Variants in SEC23B observed in about 807,000 individuals in gnomAD.
The protein encoded by SEC23B is protein transport protein Sec23B.
Under a neutral mutation model 104.3 loss-of-function variants are expected in SEC23B, and 77 were observed. The observed-to-expected ratio is 0.74, with a 90% confidence interval of 0.61 to 0.89. The LOEUF (loss-of-function observed/expected upper bound fraction) is 0.89. Ranked by LOEUF, SEC23B falls within the 40% of genes least tolerant of loss-of-function variation. The probability of loss-of-function intolerance (pLI) is 0.00; values close to 1 mark genes in which losing one functional copy is unlikely to be tolerated. For missense variants in SEC23B, 885 were observed against 949.4 expected, an observed-to-expected ratio of 0.93 and a Z score of 0.89; for synonymous variants, 338 against 332.5, an observed-to-expected ratio of 1.02 and a Z score of -0.18.
chr20:18,507,868 A>G (rs1427296348), upstream of SEC23B: 1 of 152,316 alleles, frequency 6.6e-6, no homozygotes, highest in African/African-American at 2.4e-5. Flanking sequence ...GCGCCGTGGC[A>G]TGACGCGCTG....
At chr20:18,541,691 C>A (rs896115747) in intron 12 of SEC23B, among the ~76,000 whole-genome samples, 3 of 152,136 alleles carry the variant, frequency 2.0e-5, no homozygotes, top group Non-Finnish European at 4.4e-5. Flanking sequence ...GTTTGTAGCA[C>A]CCCAAAACAA....
chr20:18,526,503 A>G lies in SEC23B; in HGVS notation c.965A>G (p.Asn322Ser), dbSNP rs1223609956. The change falls in exon 8 of 20, where the codon AAT becomes AGT. Residue 322 changes from asparagine to serine, a missense_variant. By Grantham distance (46) the Asn-to-Ser change is conservative (BLOSUM62 1). Coordinates refer to ENST00000650089, the MANE Select transcript of SEC23B (RefSeq NM_006363.6). The stretch of plus-strand genomic sequence containing the variant: ...TCTTGGCATGATATTGAGAAAGATA[A>G]TGCACGATTCATGAAAAAGGCAACC... ...IRSWHDIEKDNARFMKKATKH... is the reference protein window; with the variant it reads ...IRSWHDIEKDSARFMKKATKH... 6.2e-7 allele frequency: 1 copy of G among 1,614,188 alleles called. No individual in the cohort carries two copies. The highest frequency in any genetic ancestry group is 1.7e-5 in the Admixed American group (1 of 60,024).
At chr20:18,548,005 G>A (rs779471005) in intron 15 of SEC23B, among the ~76,000 whole-genome samples, 1 of 152,150 alleles carries the variant, frequency 6.6e-6, no homozygotes, top group East Asian at 1.9e-4. Flanking sequence ...AGGCTGGAGT[G>A]CAATGGCCTG....
At chr20:18,554,195 C>T (rs1179598012) in intron 17 of SEC23B, 40 bp from the exon 18 acceptor site, 11 of 1,612,284 alleles carry the variant, frequency 6.8e-6, no homozygotes, top group Non-Finnish European at 9.3e-6. Flanking sequence ...GCTGTTATTA[C>T]AGTTTCCACA....
Position 18,545,975 on chromosome 20 carries a change from A to G in SEC23B, c.1685A>G (p.Tyr562Cys), listed in dbSNP as rs781083146. ...LIRLCQKFGQ[Y>C]NKEDPTSFRL... ...CCATAGTGTCAAAAGTTTGGACAGT[A>G]TAACAAAGAAGACCCCACTTCTTTT... The change falls in exon 15 of 20, where the codon TAT (tyrosine) becomes TGT (cysteine). Residue 562 changes from tyrosine to cysteine, a missense_variant. Coordinates refer to ENST00000650089, the MANE Select transcript of SEC23B (RefSeq NM_006363.6). The G allele has an allele frequency of 1.9e-6, 3 of 1,585,948 alleles. No individual in the cohort carries two copies. Among genetic ancestry groups the G allele is most frequent in the Non-Finnish European group, 2.6e-6 (3 of 1,154,314 alleles).
intron 3 of SEC23B, among the ~76,000 whole-genome samples, chr20:18,514,074 G>A (rs1405273567): frequency 6.6e-6 from 1 of 152,174 alleles, no homozygotes; most frequent in East Asian, 1.9e-4. Context: ...TAAGTATTTG[G>A]TATTATTATG....
chr20:18,550,863 T>C (rs1358941241), intron 16 of SEC23B, among the ~76,000 whole-genome samples: 6 of 152,058 alleles, frequency 3.9e-5, no homozygotes, highest in Non-Finnish European at 7.4e-5. Context: ...CCGTTCTCAA[T>C]TGATGAGGAA....
chr20:18,536,759 G>C (rs1243559976), intron 12 of SEC23B, among the ~76,000 whole-genome samples: 2 of 151,726 alleles, frequency 1.3e-5, no homozygotes, highest in Non-Finnish European at 1.5e-5. Context: ...GTCCACTGTT[G>C]ACTGGGAACC....
At position 18,524,653 on chromosome 20, in the gene SEC23B, C is replaced by G; in HGVS notation, c.587C>G (p.Thr196Ser). The change falls in exon 5 of 20, where the codon ACT becomes AGT. Residue 196 changes from threonine to serine, a missense_variant. Transcript: ENST00000650089. ...SYVFRGTKDL[T>S]AKQIQDMLGL... ...GTCTTCCGAGGGACCAAGGATTTAA[C>G]TGCAAAGCAAATACAGGTTTGTACC... The G allele has an allele frequency of 1.9e-6, 3 of 1,613,698 alleles. No homozygotes were observed. The highest frequency in any genetic ancestry group is 2.5e-6 in the Non-Finnish European group (3 of 1,179,668).
intron 17 of SEC23B, among the ~76,000 whole-genome samples, chr20:18,552,460 T>G (rs1365411667): frequency 6.6e-6 from 1 of 152,090 alleles, no homozygotes; most frequent in African/African-American, 2.4e-5. Flanking sequence ...CCTCTGCAGA[T>G]TCAATCAACT....
intron 15 of SEC23B, among the ~76,000 whole-genome samples, chr20:18,546,867 T>C (rs1258853497): frequency 6.6e-6 from 1 of 150,570 alleles, no homozygotes; most frequent in Non-Finnish European, 1.5e-5. Context: ...TTCCCACCTC[T>C]AGCAGTGGGG....
chr20:18,555,133 A>AC lies in SEC23B; in HGVS notation c.2177dup (p.Ser727IlefsTer6), dbSNP rs1278294974. ...GCTCGATTCCTTTTGTCCAAAGTGA[A>AC]CCCATCTCAGACACACAATAACCTG... On this transcript the variant is annotated frameshift_variant, in exon 19 of 20. Coordinates refer to ENST00000650089, the MANE Select transcript of SEC23B (RefSeq NM_006363.6). LOFTEE classifies it high-confidence loss of function. 6.2e-7 allele frequency: 1 copy of AC among 1,613,798 alleles called. No individual in the cohort carries two copies. The highest frequency in any genetic ancestry group is 8.5e-7 in the Non-Finnish European group (1 of 1,179,894).
At chr20:18,510,141 A>G (rs1422780307) in intron 1 of SEC23B, among the ~76,000 whole-genome samples, 4 of 152,208 alleles carry the variant, frequency 2.6e-5, no homozygotes, top group African/African-American at 4.8e-5. Flanking sequence ...TAGAGGAAGA[A>G]AGGAAGGAGA....
chr20:18,542,632 T>TTAA (rs1393881408), intron 13 of SEC23B, among the ~76,000 whole-genome samples: 1 of 152,174 alleles, frequency 6.6e-6, no homozygotes, highest in Non-Finnish European at 1.5e-5. Flanking sequence ...ATTAAAAGTA[T>TTAA]TAATTATTAT....
chr20:18,549,903 G>A (rs1346292616), intron 16 of SEC23B, among the ~76,000 whole-genome samples: 3 of 151,832 alleles, frequency 2.0e-5, no homozygotes, highest in African/African-American at 7.3e-5. Flanking sequence ...GAACCCCGGA[G>A]GCGGAGGCTG....
chr20:18,519,448 A>G (rs942616641), intron 4 of SEC23B, among the ~76,000 whole-genome samples: 2 of 152,204 alleles, frequency 1.3e-5, no homozygotes, highest in African/African-American at 4.8e-5. Context: ...GAGGGTCTCT[A>G]AAAGTATTAG....
chr20:18,512,091 A>C (rs2059986429), intron 2 of SEC23B, 134 bp from the exon 3 acceptor site: 1 of 606,066 alleles, frequency 1.6e-6, no homozygotes, highest in African/African-American at 1.9e-5. Flanking sequence ...ATACTTATGC[A>C]TACACATAGA....
At chr20:18,513,980 C>T (rs1311752521) in intron 3 of SEC23B, among the ~76,000 whole-genome samples, 2 of 152,090 alleles carry the variant, frequency 1.3e-5, no homozygotes, top group Non-Finnish European at 1.5e-5. Flanking sequence ...CCTATAGTCA[C>T]TTCATGAGAT....
intron 19 of SEC23B, among the ~76,000 whole-genome samples, chr20:18,558,752 C>T (rs980386232): frequency 3.3e-5 from 5 of 152,160 alleles, no homozygotes; most frequent in Non-Finnish European, 7.3e-5. Context: ...GTGACTTCCA[C>T]TTCTTTCCTG....
Sources: allele counts gnomAD v4.1 joint callset (sites outside exome capture counted in the v4.1 genomes callset), GRCh38; gene constraint gnomAD v4.1.1; transcripts MANE v1.5; gene names NCBI Gene and HGNC (gene_info 2026-07-23, HGNC 2026-07-21).